The following KCNG3 variants were observed in gnomAD, a reference collection of about 807,000 sequenced individuals.
The protein encoded by KCNG3 is voltage-gated potassium channel regulatory subunit KCNG3.
KCNG3 carries 15 observed loss-of-function variants against 29.0 expected under a neutral mutation model. The observed-to-expected ratio is 0.52, with a 90% CI of 0.35 to 0.80. The LOEUF (loss-of-function observed/expected upper bound fraction) is 0.80. Among genes scored for constraint, KCNG3 ranks in the 30% least tolerant of loss-of-function variants. The probability of loss-of-function intolerance (pLI) is 0.01; values close to 1 mark genes in which losing one functional copy is unlikely to be tolerated. For synonymous variants in KCNG3, 322 were observed against 248.9 expected, an observed-to-expected ratio of 1.29 and a Z score of -2.76; for missense variants, 512 against 605.7, an observed-to-expected ratio of 0.85 and a Z score of 1.62.
chr2:42,434,483 A>C, the KCNG3 span, among the ~76,000 whole-genome samples: 3 of 134,664 alleles, frequency 2.2e-5, no homozygotes, highest in Non-Finnish European at 4.9e-5. Context: ...AAAAAAAAAA[A>C]AAAGAGAGAG....
the KCNG3 span, among the ~76,000 whole-genome samples, chr2:42,415,985 A>C: frequency 6.6e-6 from 1 of 152,142 alleles, no homozygotes; most frequent in Non-Finnish European, 1.5e-5. Context: ...GTTTGAGGTC[A>C]GGAGTTCGAG....
intron 1 of KCNG3, chr2:42,469,845 G>A (rs776504854): frequency 2.0e-5 from 4 of 204,950 alleles, no homozygotes; most frequent in Non-Finnish European, 3.9e-5. Context: ...CCCAGGAAGG[G>A]CCTGTCCTGG....
the KCNG3 span, among the ~76,000 whole-genome samples, chr2:42,393,108 G>T: frequency 6.6e-6 from 1 of 151,944 alleles, no homozygotes; most frequent in Non-Finnish European, 1.5e-5. Context: ...GTAAAATAGG[G>T]ATAATAATAG....
At chr2:42,428,201 T>G in the KCNG3 span, among the ~76,000 whole-genome samples, 1 of 151,918 alleles carries the variant, frequency 6.6e-6, no homozygotes, top group Admixed American at 6.6e-5. Context: ...GGCTCACATC[T>G]GTAATCCCAG....
the KCNG3 span, among the ~76,000 whole-genome samples, chr2:42,427,135 G>A: frequency 3.2e-4 from 48 of 152,054 alleles, no homozygotes; most frequent in Non-Finnish European, 5.9e-4. Context: ...CATATATAAG[G>A]CTACCTTTGA....
the KCNG3 span, among the ~76,000 whole-genome samples, chr2:42,409,529 C>T: frequency 6.6e-6 from 1 of 151,210 alleles, no homozygotes; most frequent in African/African-American, 2.4e-5. Flanking sequence ...CACGGTGAAA[C>T]CTGTCTCTAC....
chr2:42,443,728 G>A lies in KCNG3; in HGVS notation c.*206C>T, dbSNP rs1572839055. The A allele has an allele frequency of 4.0e-6, 2 of 496,772 alleles. No individual in the cohort carries two copies. The highest frequency in any genetic ancestry group is 5.2e-4 in the Middle Eastern group (1 of 1,920). The allele number at this position is 496,772 out of a possible 1,614,324, so 30.8% of individuals were successfully genotyped here. On this transcript the variant is annotated 3_prime_UTR_variant, in exon 2 of 2. Transcript: ENST00000306078. ...AAACCGGGTCCTAAAGTTTACTCTAGGAGTCATTATTCTTCCTTTGCAGTC... is the reference window on the plus strand; with the variant it reads ...AAACCGGGTCCTAAAGTTTACTCTAAGAGTCATTATTCTTCCTTTGCAGTC...
At position 42,493,536 on chromosome 2, in the gene KCNG3, C is replaced by T. The variant is rs1357021181; in HGVS notation, c.-35G>A. On this transcript the variant is annotated 5_prime_UTR_variant, in exon 1 of 2. Coordinates refer to ENST00000306078, the MANE Select transcript of KCNG3 (RefSeq NM_133329.6). ...CCCGGGGGACTTTCGGCCCGAGGGC[C>T]CCGCTGCAGCCCCCCACCCCAAGCC... 2 of 1,329,350 alleles carry T rather than the reference C, an allele frequency of 1.5e-6. No homozygotes were observed. The highest frequency in any genetic ancestry group is 1.9e-6 in the Non-Finnish European group (2 of 1,047,056). The allele number at this position is 1,329,350 out of a possible 1,614,324, so 82.3% of individuals were successfully genotyped here.
chr2:42,397,073 T>C, the KCNG3 span, among the ~76,000 whole-genome samples: 11 of 151,972 alleles, frequency 7.2e-5, no homozygotes, highest in African/African-American at 2.7e-4. Context: ...GGCGAAAACC[T>C]GTCTCTACTA....
At chr2:42,409,796 C>T in the KCNG3 span, among the ~76,000 whole-genome samples, 1 of 151,542 alleles carries the variant, frequency 6.6e-6, no homozygotes, top group Non-Finnish European at 1.5e-5. Flanking sequence ...CCAATGCATC[C>T]CACTCCCAGG....
the KCNG3 span, among the ~76,000 whole-genome samples, chr2:42,395,885 G>C: frequency 1.1e-3 from 167 of 152,232 alleles, 1 homozygote; most frequent in South Asian, 3.1e-3. Flanking sequence ...AGGAGGTTGA[G>C]GCTGAAGTGA....
chr2:42,482,853 G>A (rs539036849), intron 1 of KCNG3, among the ~76,000 whole-genome samples: 2 of 152,114 alleles, frequency 1.3e-5, no homozygotes, highest in Non-Finnish European at 2.9e-5. Context: ...AGGCACAGTG[G>A]CTCATGCCTA....
Position 42,444,626 on chromosome 2 carries a change from T to C in KCNG3, c.666-47A>G, listed in dbSNP as rs1558372820. The C allele has an allele frequency of 6.6e-7, 1 of 1,511,340 alleles. No homozygotes were observed. Among genetic ancestry groups the C allele is most frequent in the Admixed American group, 1.9e-5 (1 of 51,386 alleles). 93.6% of individuals were successfully genotyped at this position (1,511,340 alleles called of 1,614,324 possible). A position where few individuals can be genotyped will look rare whatever the true frequency, so the allele number is the denominator to read the frequency against. The stretch of plus-strand genomic sequence containing the variant: ...AATTGATCATTTTATTTTTAAGCAT[T>C]TTAATAGCTCTTAGATTTCTTCAGA... On this transcript the variant is annotated intron_variant, in intron 1 of 1. Transcript: ENST00000306078. The surrounding 1 kb of genome is among the most constrained non-coding windows in gnomAD (Gnocchi z 5.8).
the KCNG3 span, among the ~76,000 whole-genome samples, chr2:42,405,768 C>T: frequency 1.3e-5 from 2 of 152,074 alleles, no homozygotes; most frequent in African/African-American, 2.4e-5. Flanking sequence ...TCACCAAGCC[C>T]GGCTAATTTT....
At chr2:42,404,277 T>G in the KCNG3 span, among the ~76,000 whole-genome samples, 1 of 149,566 alleles carries the variant, frequency 6.7e-6, no homozygotes, top group Non-Finnish European at 1.5e-5. Flanking sequence ...TAGTATTCTT[T>G]TCATCAGTTG....
chr2:42,437,161 A>G (rs535076222), downstream of KCNG3, among the ~76,000 whole-genome samples: 15 of 152,310 alleles, frequency 9.8e-5, 2 homozygotes, highest in South Asian at 3.1e-3. Flanking sequence ...CTTGTACCAC[A>G]GCACAAAAAG....
Position 42,493,059 on chromosome 2 carries a change from G to C in KCNG3, c.443C>G (p.Ala148Gly), listed in dbSNP as rs1313210666. The C allele has an allele frequency of 1.4e-5, 21 of 1,527,332 alleles. No individual in the cohort carries two copies. The highest frequency in any genetic ancestry group is 2.1e-5 in the Admixed American group (1 of 48,006). The allele number at this position is 1,527,332 out of a possible 1,614,324, so 94.6% of individuals were successfully genotyped here. ...DEARPGGAEA[A>G]PSRRWLERMR... Reference sequence around the variant, plus strand: ...GCGCTCCAGCCAGCGCCTGGAGGGAGCCGCCTCGGCCCCGCCGGGGCGCGC... The same window carrying C: ...GCGCTCCAGCCAGCGCCTGGAGGGACCCGCCTCGGCCCCGCCGGGGCGCGC... The change falls in exon 1 of 2, where the codon GCT becomes GGT. Residue 148 changes from alanine to glycine, a missense_variant. Ala to Gly is a moderately conservative substitution (Grantham distance 60). Around this residue, in one of 5 missense-constraint regions of KCNG3, gnomAD observed 228 missense variants for 200.0 expected, o/e 1.14. Transcript: ENST00000306078.
intron 1 of KCNG3, among the ~76,000 whole-genome samples, chr2:42,490,537 C>T (rs1302130626): frequency 6.6e-6 from 1 of 152,228 alleles, no homozygotes. Flanking sequence ...AAGGCCTTCT[C>T]TGAACAACGG....
At chr2:42,461,629 C>G (rs1321386499) in intron 1 of KCNG3, among the ~76,000 whole-genome samples, 1 of 152,172 alleles carries the variant, frequency 6.6e-6, no homozygotes, top group Non-Finnish European at 1.5e-5. Flanking sequence ...GGGTGGGCCC[C>G]CTTAATCTTC....
Sources: allele counts gnomAD v4.1 joint callset (sites outside exome capture counted in the v4.1 genomes callset), GRCh38; gene constraint gnomAD v4.1.1; regional missense constraint gnomAD v4.1.1; non-coding constraint Gnocchi (gnomAD v3.1); transcripts MANE v1.5; gene names NCBI Gene and HGNC (gene_info 2026-07-23, HGNC 2026-07-21).